Variants in ZNF540 observed in about 807,000 individuals in gnomAD.
The protein encoded by ZNF540 is CTD-3064H18.6.
In ZNF540, 3 loss-of-function variants were observed where a neutral mutation model predicts 11.8. The ratio of observed to expected loss-of-function variants is 0.25; its 90% confidence interval spans 0.12 to 0.65. ZNF540 has a LOEUF of 0.65. Ranked by LOEUF, ZNF540 falls within the 30% of genes least tolerant of loss-of-function variation. The pLI is 0.83. For synonymous variants in ZNF540, 247 were observed against 259.0 expected, an observed-to-expected ratio of 0.95 and a Z score of 0.45; for missense variants, 709 against 793.1, an observed-to-expected ratio of 0.89 and a Z score of 1.27.
Position 37,565,951 on chromosome 19 carries a change from T to A in ZNF540, c.-73+14286T>A, listed in dbSNP as rs769371593. On this transcript the variant is annotated intron_variant, in intron 1 of 4. Coordinates refer to the ZNF540 transcript ENST00000592533. ...CAGAGCATTTTTCTATATTATGATT[T>A]TCCTCATGTTGAATAAGGCATGACA... 4 of 1,613,726 alleles carry A rather than the reference T, an allele frequency of 2.5e-6. No homozygotes were observed. In the Admixed American group the frequency reaches 6.7e-5, roughly 27 times the overall value.
At chr19:37,598,921 C>T (rs887156959) in intron 2 of ZNF540, among the ~76,000 whole-genome samples, 4 of 152,106 alleles carry the variant, frequency 2.6e-5, no homozygotes, top group East Asian at 1.9e-4. Flanking sequence ...CATAGTAAGA[C>T]GCATTTTGTG....
At chr19:37,604,291 CCTTA>C (rs1482860423) in intron 4 of ZNF540, among the ~76,000 whole-genome samples, 14 of 65,572 alleles carry the variant, frequency 2.1e-4, no homozygotes, top group Admixed American at 1.2e-3. Flanking sequence ...TGGAAAATAG[CCTTA>C]CTTTTTTTTT....
chr19:37,605,831 G>A (rs184330426), intron 4 of ZNF540, among the ~76,000 whole-genome samples: 1 of 152,138 alleles, frequency 6.6e-6, no homozygotes, highest in Non-Finnish European at 1.5e-5. Flanking sequence ...GACTAGTGAT[G>A]AGCATATTTT....
chr19:37,596,814 T>G (rs1363202573), intron 1 of ZNF540, among the ~76,000 whole-genome samples: 1 of 152,240 alleles, frequency 6.6e-6, no homozygotes, highest in Non-Finnish European at 1.5e-5. Context: ...ATTATCAGTC[T>G]ATTCAATGTT....
intron 1 of ZNF540, among the ~76,000 whole-genome samples, chr19:37,567,091 GT>G (rs1408911946): frequency 7.2e-5 from 11 of 152,226 alleles, no homozygotes; most frequent in Admixed American, 4.6e-4. Flanking sequence ...TGCATGGCTT[GT>G]TCCCTCATTT....
rs1448567175 is a variant in ZNF540 at position 37,612,950 on chromosome 19, G to A, written c.1670G>A (p.Gly557Glu). Residue 557 changes from glycine (G) to glutamate (E), a missense_variant, in exon 5 of 5, where the codon GGG (glycine) becomes GAG (glutamate). By Grantham distance (98) the Gly-to-Glu change is moderately conservative. Coordinates refer to ENST00000316433, the MANE Select transcript of ZNF540 (RefSeq NM_001172225.3). Reference protein sequence around the residue: ...GLKPYDCKECGKSFSRRGQFT... With the variant: ...GLKPYDCKECEKSFSRRGQFT... ...AAACCCTATGACTGTAAAGAATGTG[G>A]GAAGTCCTTTAGTCGGCGTGGGCAG... 1.9e-6 allele frequency: 3 copies of A among 1,614,110 alleles called. No individual in the cohort carries two copies. The highest frequency in any genetic ancestry group is 2.5e-6 in the Non-Finnish European group (3 of 1,180,006).
chr19:37,576,097 C>A (rs1484156587), intron 1 of ZNF540, among the ~76,000 whole-genome samples: 3 of 151,910 alleles, frequency 2.0e-5, no homozygotes, highest in Non-Finnish European at 4.4e-5. Flanking sequence ...TAGCCCAACT[C>A]CTAAAGAATT....
intron 1 of ZNF540, among the ~76,000 whole-genome samples, chr19:37,556,794 C>T (rs1300969241): frequency 6.6e-6 from 1 of 152,176 alleles, no homozygotes; most frequent in Non-Finnish European, 1.5e-5. Flanking sequence ...GTAAGGGGTG[C>T]ACCTTACTCT....
At chr19:37,571,685 T>A (rs887783697) in intron 1 of ZNF540, among the ~76,000 whole-genome samples, 1 of 152,172 alleles carries the variant, frequency 6.6e-6, no homozygotes, top group Non-Finnish European at 1.5e-5. Context: ...TTACAATATT[T>A]TTGACATTAT....
upstream of ZNF540, among the ~76,000 whole-genome samples, chr19:37,589,920 A>G (rs2043816296): frequency 6.6e-6 from 1 of 151,404 alleles, no homozygotes; most frequent in African/African-American, 2.4e-5. Flanking sequence ...GGAAACATCA[A>G]ACACATACAA....
intron 2 of ZNF540, among the ~76,000 whole-genome samples, chr19:37,599,178 C>CGATA (rs10550158): frequency 0.013 from 1,934 of 151,198 alleles, 23 homozygotes; most frequent in African/African-American, 0.03. Context: ...ATCGATTGAT[C>CGATA]GATAGATAGA....
chr19:37,566,347 T>C (rs1288275444), intron 1 of ZNF540: 1 of 1,524,168 alleles, frequency 6.6e-7, no homozygotes, highest in African/African-American at 1.4e-5. Flanking sequence ...GAAATAAAAA[T>C]TCTATGGTAA....
chr19:37,593,478 T>C (rs1320669914), upstream of ZNF540, among the ~76,000 whole-genome samples: 2 of 151,830 alleles, frequency 1.3e-5, no homozygotes, highest in African/African-American at 4.8e-5. Context: ...CCCAGGCGGG[T>C]GGATCACGAG....
At chr19:37,554,301 T>C (rs191382257) in intron 1 of ZNF540, among the ~76,000 whole-genome samples, 37 of 152,360 alleles carry the variant, frequency 2.4e-4, no homozygotes, top group African/African-American at 8.2e-4. Context: ...TGTGCCCATG[T>C]TGCTGCAAAG....
chr19:37,589,735 G>A (rs879107375), intron 1 of ZNF540, among the ~76,000 whole-genome samples: 8 of 151,410 alleles, frequency 5.3e-5, no homozygotes, highest in Non-Finnish European at 1.0e-4. Context: ...GCGTGGTGGC[G>A]GGCATCTGTA....
At position 37,598,405 on chromosome 19, in the gene ZNF540, A is replaced by T; in HGVS notation, c.-43A>T. 1 of 1,612,134 alleles carries T rather than the reference A, an allele frequency of 6.2e-7. No homozygotes were observed. Among genetic ancestry groups the T allele is most frequent in the Non-Finnish European group, 8.5e-7 (1 of 1,179,222 alleles). On this transcript the variant is annotated 5_prime_UTR_variant, in exon 2 of 5. Coordinates refer to ENST00000316433, the MANE Select transcript of ZNF540 (RefSeq NM_001172225.3). ...CTCAGAACTTTGCTTCTCCAGCAGA[A>T]TAATCCTGCGGAAGACTGAGCAGTT...
intron 3 of ZNF540, among the ~76,000 whole-genome samples, chr19:37,600,211 C>T (rs1000742613): frequency 9.9e-5 from 15 of 152,138 alleles, no homozygotes; most frequent in Non-Finnish European, 2.1e-4. Context: ...ATTCTACTTC[C>T]TAAAACAAAT....
chr19:37,603,232 C>G (rs1443109817), intron 4 of ZNF540, among the ~76,000 whole-genome samples: 1 of 152,086 alleles, frequency 6.6e-6, no homozygotes, highest in East Asian at 1.9e-4. Flanking sequence ...GTCTTGAACT[C>G]CTGACCTCAG....
intron 1 of ZNF540, chr19:37,565,594 G>A (rs1250599835): frequency 6.2e-7 from 1 of 1,613,342 alleles, no homozygotes; most frequent in Non-Finnish European, 8.5e-7. Context: ...TACATTCATA[G>A]GGTTTTTCAC....
Sources: gnomAD v4.1 joint callset for allele counts (sites outside exome capture counted in the v4.1 genomes callset) on GRCh38, gnomAD v4.1.1 for gene constraint, MANE v1.5 for transcripts, NCBI Gene and HGNC (gene_info 2026-07-23, HGNC 2026-07-21) for gene names.